The following NIPSNAP3B variants were observed in gnomAD, a reference collection of about 807,000 sequenced individuals.
The protein encoded by NIPSNAP3B is protein NipSnap homolog 3B.
Under a neutral mutation model 31.5 loss-of-function variants are expected in NIPSNAP3B, and 30 were observed. That is an observed-to-expected ratio of 0.95 (90% CI 0.71 to 1.29). The LOEUF (loss-of-function observed/expected upper bound fraction) is 1.29. NIPSNAP3B is among the 50% of genes most tolerant of loss of function. The pLI is 0.00. For missense variants in NIPSNAP3B, 269 were observed against 300.7 expected, an observed-to-expected ratio of 0.89 and a Z score of 0.78; for synonymous variants, 106 against 107.9, an observed-to-expected ratio of 0.98 and a Z score of 0.11.
rs368271075 is a variant in NIPSNAP3B, at chr9:104,773,078, C to T, written c.*5C>T. On this transcript the variant is annotated 3_prime_UTR_variant, in exon 6 of 6. Transcript: ENST00000374762. The stretch of plus-strand genomic sequence containing the variant: ...TCATTTTCACCATTGAAATAGTTTT[C>T]TACTGAAATACAAAACATTTCATTA... The T allele has an allele frequency of 1.9e-6, 3 of 1,612,226 alleles. No homozygotes were observed. Among genetic ancestry groups the T allele is most frequent in the African/African-American group, 2.7e-5 (2 of 74,870 alleles).
the NIPSNAP3B span, chr9:104,787,999 G>A: frequency 6.2e-7 from 1 of 1,614,176 alleles, no homozygotes; most frequent in Non-Finnish European, 8.5e-7. Flanking sequence ...ATAGTTACCA[G>A]CATATTTTTC....
Position 104,773,417 on chromosome 9 carries a change from C to T in NIPSNAP3B, c.*344C>T, listed in dbSNP as rs963594538. ...TTACTCAAATAAGGATTTTACATTTCCTTGCCTGACAGTATTTTTGAATTA... is the reference window on the plus strand; with the variant it reads ...TTACTCAAATAAGGATTTTACATTTTCTTGCCTGACAGTATTTTTGAATTA... On this transcript the variant is annotated 3_prime_UTR_variant, in exon 6 of 6. Transcript: ENST00000374762. 4.6e-5 allele frequency: 8 copies of T among 173,208 alleles called. No individual in the cohort carries two copies. The Admixed American group carries it at 4.8e-4, about 10-fold the overall frequency. The allele number at this position is 173,208 out of a possible 1,614,324, so 10.7% of individuals were successfully genotyped here. A position where few individuals can be genotyped will look rare whatever the true frequency, so the allele number is the denominator to read the frequency against.
the NIPSNAP3B span, chr9:104,787,707 G>A: frequency 3.2e-6 from 1 of 313,276 alleles, no homozygotes. Flanking sequence ...CAAAGTGCTT[G>A]GAGTGCCTCT....
chr9:104,788,346 C>T, the NIPSNAP3B span: 41 of 1,593,850 alleles, frequency 2.6e-5, no homozygotes, highest in Non-Finnish European at 3.4e-5. Context: ...AGCCTGAAGT[C>T]AATGCGTGTG....
At chr9:104,770,777 G>T in intron 3 of NIPSNAP3B, 72 bp from the exon 4 acceptor site, 1 of 1,383,288 alleles carries the variant, frequency 7.2e-7, no homozygotes, top group Non-Finnish European at 1.0e-6. Flanking sequence ...GCCTTCTAAT[G>T]AAATCAGGAA....
chr9:104,766,065 T>A (rs1465427623), intron 1 of NIPSNAP3B, among the ~76,000 whole-genome samples: 3 of 152,214 alleles, frequency 2.0e-5, no homozygotes, highest in Admixed American at 1.3e-4. Flanking sequence ...TCCCACAGCC[T>A]TCTTGTGAGC....
the NIPSNAP3B span, chr9:104,783,629 C>T: frequency 6.6e-6 from 1 of 152,412 alleles, no homozygotes; most frequent in African/African-American, 2.4e-5. Context: ...CCTGGAGACA[C>T]CCACATTTTT....
At chr9:104,788,114 T>C in the NIPSNAP3B span, 14 of 1,533,032 alleles carry the variant, frequency 9.1e-6, no homozygotes, top group African/African-American at 1.5e-4. Context: ...CATGCTGTCC[T>C]ACACATACAT....
At position 104,769,063 on chromosome 9, in the gene NIPSNAP3B, A is replaced by AT. The variant is rs376663139; in HGVS notation, c.430+43dup. ...TAGACTATGAGTTTTAATGAGTAAA[A>AT]TACTAAAGACCTAAAGTTATAAAGA... On this transcript the variant is annotated intron_variant, in intron 3 of 5. Transcript: ENST00000374762. 2.8e-4 allele frequency: 424 copies of AT among 1,500,310 alleles called. 2 individuals are homozygous for AT. In the African/African-American group the frequency reaches 5.3e-3, roughly 19 times the overall value. The allele number at this position is 1,500,310 out of a possible 1,614,324, so 92.9% of individuals were successfully genotyped here. A position where few individuals can be genotyped will look rare whatever the true frequency, so the allele number is the denominator to read the frequency against.
rs983755943 is a variant in NIPSNAP3B at position 104,774,383 on chromosome 9, T to C, written c.*1310T>C. Among the ~76,000 whole-genome samples the C allele has an allele frequency of 1.3e-5, 2 of 152,216 alleles. No individual in the cohort carries two copies. The highest frequency in any genetic ancestry group is 4.8e-5 in the African/African-American group (2 of 41,446). On this transcript the variant is annotated 3_prime_UTR_variant, in exon 6 of 6. Transcript: ENST00000374762. Reference sequence around the variant, plus strand: ...AACAGACATACCTCCTCAGCATTCTTTTCCATGCAGAGTTCAAAGAGGCCT... The same window carrying C: ...AACAGACATACCTCCTCAGCATTCTCTTCCATGCAGAGTTCAAAGAGGCCT...
At chr9:104,788,108 C>A in the NIPSNAP3B span, 10 of 1,546,272 alleles carry the variant, frequency 6.5e-6, no homozygotes, top group Non-Finnish European at 8.9e-6. Context: ...TTTTATCATG[C>A]TGTCCTACAC....
chr9:104,790,077 T>TAAG, the NIPSNAP3B span, among the ~76,000 whole-genome samples: 1 of 146,964 alleles, frequency 6.8e-6, no homozygotes, highest in South Asian at 2.1e-4. Context: ...GCCTGGGCAG[T>TAAG]AAGAGTGAAA....
rs143722936 is a variant in NIPSNAP3B at position 104,768,912 on chromosome 9, G to A, written c.321G>A (p.Lys107=). The A allele has an allele frequency of 5.6e-6, 9 of 1,613,514 alleles. No homozygotes were observed. The highest frequency in any genetic ancestry group is 1.7e-5 in the Admixed American group (1 of 59,942). The part of the protein sequence containing the change: ...AEVRKALANC[K]EWQEQSIIPN... ...TTCGGAAAGCCTTAGCCAACTGTAA[G>A]GAATGGCAAGAACAATCTATCATTC... The change falls in exon 3 of 6, where the codon AAG becomes AAA. Residue 107 remains lysine (K), a synonymous_variant. Transcript: ENST00000374762.
chr9:104,764,973 T>G (rs989004338), intron 1 of NIPSNAP3B, among the ~76,000 whole-genome samples: 1 of 152,206 alleles, frequency 6.6e-6, no homozygotes, highest in Non-Finnish European at 1.5e-5. Flanking sequence ...AAGCAGTTAT[T>G]AGAAATACCT....
chr9:104,773,088 A>G lies in NIPSNAP3B; in HGVS notation c.*15A>G. On this transcript the variant is annotated 3_prime_UTR_variant, in exon 6 of 6. Coordinates refer to ENST00000374762, the MANE Select transcript of NIPSNAP3B (RefSeq NM_018376.4). Reference sequence around the variant, plus strand: ...CATTGAAATAGTTTTCTACTGAAATACAAAACATTTCATTAACTGCTCTAA... The same window carrying G: ...CATTGAAATAGTTTTCTACTGAAATGCAAAACATTTCATTAACTGCTCTAA... 1 of 1,607,700 alleles carries G rather than the reference A, an allele frequency of 6.2e-7. No homozygotes were observed.
At chr9:104,778,506 C>G (rs1186384595), downstream of NIPSNAP3B, among the ~76,000 whole-genome samples, 1 of 152,174 alleles carries the variant, frequency 6.6e-6, no homozygotes, top group Non-Finnish European at 1.5e-5. Context: ...TGATTATAGG[C>G]GTGCACCACC....
At chr9:104,786,480 A>G in the NIPSNAP3B span, 1 of 1,140,456 alleles carries the variant, frequency 8.8e-7, no homozygotes, top group Non-Finnish European at 1.3e-6. Context: ...CCAGCTTCCT[A>G]GGGAATTGTA....
the NIPSNAP3B span, among the ~76,000 whole-genome samples, chr9:104,784,971 AC>A: frequency 6.6e-6 from 1 of 151,592 alleles, no homozygotes; most frequent in Non-Finnish European, 1.5e-5. Context: ...ATCGCCCCCC[AC>A]CCCTACATCA....
chr9:104,769,787 T>G (rs959966455), intron 3 of NIPSNAP3B, among the ~76,000 whole-genome samples: 2 of 152,214 alleles, frequency 1.3e-5, no homozygotes, highest in African/African-American at 4.8e-5. Flanking sequence ...GTAAACTGAC[T>G]GTTTTGGGGG....
Sources: allele counts gnomAD v4.1 joint callset (sites outside exome capture counted in the v4.1 genomes callset), GRCh38; gene constraint gnomAD v4.1.1; transcripts MANE v1.5; gene names NCBI Gene and HGNC (gene_info 2026-07-23, HGNC 2026-07-21).